SUGCT: variants seen among roughly 807,000 people sequenced by gnomAD.
SUGCT encodes the protein succinyl-CoA:glutarate CoA-transferase.
SUGCT carries 41 observed loss-of-function variants against 55.0 expected under a neutral mutation model. The ratio of observed to expected loss-of-function variants is 0.74; its 90% CI spans 0.58 to 0.97. The LOEUF is 0.97. SUGCT is among the 50% of genes least tolerant of loss of function. SUGCT has a pLI of 0.00. For missense variants in SUGCT, 568 were observed against 547.8 expected, an observed-to-expected ratio of 1.04 and a Z score of -0.37; for synonymous variants, 187 against 200.4, an observed-to-expected ratio of 0.93 and a Z score of 0.56.
At chr7:40,950,365 A>G in the SUGCT span, among the ~76,000 whole-genome samples, 1 of 152,114 alleles carries the variant, frequency 6.6e-6, no homozygotes, top group African/African-American at 2.4e-5. Flanking sequence ...GGCTGAGACG[A>G]TGGGGTTTTC....
the SUGCT span, among the ~76,000 whole-genome samples, chr7:40,925,709 C>T: frequency 6.6e-6 from 1 of 152,080 alleles, no homozygotes; most frequent in Non-Finnish European, 1.5e-5. Flanking sequence ...CTTCCAATCC[C>T]ATCCAAAATG....
intron 9 of SUGCT, among the ~76,000 whole-genome samples, chr7:40,441,686 C>A (rs1256819632): frequency 2.0e-5 from 3 of 152,118 alleles, no homozygotes; most frequent in African/African-American, 7.2e-5. Flanking sequence ...GCTGAAACAG[C>A]AGTGTTACAG....
At position 40,228,480 on chromosome 7, in the gene SUGCT, A is replaced by G. The variant is rs544914860; in HGVS notation, c.485-9155A>G. 5.7e-4 allele frequency among the ~76,000 whole-genome samples: 86 copies of G among 150,764 alleles called. No homozygotes were observed. The Middle Eastern group carries it at 0.01, about 18-fold the overall frequency. On this transcript the variant is annotated intron_variant, in intron 6 of 13. Transcript: ENST00000335693. ...TTTGTTCTTTATAAACTGATCTATAACTTGTTCAGGTTTGTGTGTGTGTGT... is the reference window on the plus strand; with the variant it reads ...TTTGTTCTTTATAAACTGATCTATAGCTTGTTCAGGTTTGTGTGTGTGTGT...
At chr7:40,500,039 G>C (rs770948510) in intron 12 of SUGCT, among the ~76,000 whole-genome samples, 2 of 152,096 alleles carry the variant, frequency 1.3e-5, no homozygotes, top group Non-Finnish European at 2.9e-5. Flanking sequence ...GGGATTAAAA[G>C]CATCATTGTC....
chr7:40,921,029 T>G, the SUGCT span, among the ~76,000 whole-genome samples: 1 of 152,128 alleles, frequency 6.6e-6, no homozygotes, highest in East Asian at 1.9e-4. Flanking sequence ...TGTTTCTGGG[T>G]CAGGTACTGT....
chr7:40,898,480 C>CGGGGGGGGGGGGGGGGGG, the SUGCT span, among the ~76,000 whole-genome samples: 2 of 5,722 alleles, frequency 3.5e-4, 1 homozygote, highest in Non-Finnish European at 8.8e-4. Context: ...TCCGGGAGGT[C>CGGGGGGGGGGGGGGGGGG]GGGGGGGGGG....
the SUGCT span, among the ~76,000 whole-genome samples, chr7:40,962,137 A>C: frequency 6.6e-6 from 1 of 152,140 alleles, no homozygotes; most frequent in Admixed American, 6.5e-5. Context: ...CCATTTTTAC[A>C]GAGTGCTGAT....
chr7:40,470,883 C>A (rs1790371635), intron 11 of SUGCT, among the ~76,000 whole-genome samples: 1 of 151,926 alleles, frequency 6.6e-6, no homozygotes, highest in South Asian at 2.1e-4. Context: ...TTTCTTTCCT[C>A]TATTGTGAAT....
At chr7:40,922,520 C>A in the SUGCT span, among the ~76,000 whole-genome samples, 12 of 152,128 alleles carry the variant, frequency 7.9e-5, no homozygotes, top group African/African-American at 4.8e-5. Flanking sequence ...GAGACAGCAG[C>A]CTTGGGCAAA....
the SUGCT span, among the ~76,000 whole-genome samples, chr7:40,867,358 G>A: frequency 1.3e-5 from 2 of 151,092 alleles, no homozygotes; most frequent in African/African-American, 4.9e-5. Context: ...CCATATATAT[G>A]GGGAGAGAGC....
chr7:40,237,500 C>T, intron 6 of SUGCT, 135 bp from the exon 7 acceptor site: 1 of 679,010 alleles, frequency 1.5e-6, no homozygotes, highest in South Asian at 1.9e-5. Context: ...CTGCCTTCTT[C>T]AAGGAATGGT....
At position 40,224,395 on chromosome 7, in the gene SUGCT, TGTGC is replaced by T. The variant is rs1219925995; in HGVS notation, c.485-13236_485-13233del. ...AAGTCTTCTAGGATTTAGGATAATCTGTGCGTGTGTGTGTGTGTGTGTGTGTGTG... is the reference window on the plus strand; with the variant it reads ...AAGTCTTCTAGGATTTAGGATAATCTGTGTGTGTGTGTGTGTGTGTGTGTG... On this transcript the variant is annotated intron_variant, in intron 6 of 13. Transcript: ENST00000335693. 5.5e-5 allele frequency among the ~76,000 whole-genome samples: 6 copies of T among 109,160 alleles called. No individual in the cohort carries two copies. In the East Asian group the frequency reaches 1.4e-3, roughly 26 times the overall value. The allele number at this position is 109,160 out of a possible 152,430, so 71.6% of individuals were successfully genotyped here. A position where few individuals can be genotyped will look rare whatever the true frequency, so the allele number is the denominator to read the frequency against.
intron 12 of SUGCT, among the ~76,000 whole-genome samples, chr7:40,652,580 A>C (rs1343583613): frequency 6.6e-6 from 1 of 152,204 alleles, no homozygotes; most frequent in Non-Finnish European, 1.5e-5. Flanking sequence ...AGCTCCAATT[A>C]TCTAATAGCT....
At chr7:40,610,182 G>A (rs1199222864) in intron 12 of SUGCT, among the ~76,000 whole-genome samples, 3 of 152,246 alleles carry the variant, frequency 2.0e-5, no homozygotes, top group South Asian at 2.1e-4. Flanking sequence ...CATTGCTCTG[G>A]AAGGGAAGTG....
intron 9 of SUGCT, among the ~76,000 whole-genome samples, chr7:40,422,149 A>G (rs1014088812): frequency 6.7e-6 from 1 of 149,134 alleles, no homozygotes; most frequent in Non-Finnish European, 1.5e-5. Flanking sequence ...CTTCTAAATC[A>G]GTCTTAAATT....
At chr7:40,657,146 G>T (rs1159069557) in intron 12 of SUGCT, among the ~76,000 whole-genome samples, 12 of 152,108 alleles carry the variant, frequency 7.9e-5, no homozygotes, top group Admixed American at 5.2e-4. Flanking sequence ...TGATTTTAAG[G>T]TGATTTTTTT....
At chr7:40,517,707 G>C (rs1438253908) in intron 12 of SUGCT, among the ~76,000 whole-genome samples, 1 of 152,026 alleles carries the variant, frequency 6.6e-6, no homozygotes, top group Non-Finnish European at 1.5e-5. Context: ...TTTGCTGTAT[G>C]CTCTGAGGAT....
At chr7:40,468,040 C>G (rs1458946699) in intron 11 of SUGCT, among the ~76,000 whole-genome samples, 1 of 146,034 alleles carries the variant, frequency 6.8e-6, no homozygotes, top group African/African-American at 2.5e-5. Flanking sequence ...GACACTTGTT[C>G]TGCGTTGTGG....
chr7:40,977,148 C>T, the SUGCT span, among the ~76,000 whole-genome samples: 26 of 152,172 alleles, frequency 1.7e-4, no homozygotes, highest in East Asian at 3.9e-4. Flanking sequence ...CACACACAAC[C>T]GCAGACAAAT....
Sources: allele counts gnomAD v4.1 joint callset (sites outside exome capture counted in the v4.1 genomes callset), GRCh38; gene constraint gnomAD v4.1.1; transcripts MANE v1.5; gene names NCBI Gene and HGNC (gene_info 2026-07-23, HGNC 2026-07-21).